Variants in UBAC2 observed in about 807,000 individuals in gnomAD.
The protein encoded by UBAC2 is ubiquitin-associated domain-containing protein 2.
In UBAC2, 26 loss-of-function variants were observed where a neutral mutation model predicts 44.0. The observed-to-expected ratio is 0.59, with a 90% CI of 0.43 to 0.82. The LOEUF (loss-of-function observed/expected upper bound fraction) is 0.82. UBAC2 is among the 40% of genes least tolerant of loss of function. The probability of loss-of-function intolerance (pLI) is 0.00; values close to 1 mark genes in which losing one functional copy is unlikely to be tolerated. For synonymous variants in UBAC2, 155 were observed against 154.3 expected (o/e 1.00, Z -0.04); for missense variants, 329 against 419.4 (o/e 0.78, Z 1.88).
At chr13:99,358,976 C>G (rs534651019) in intron 7 of UBAC2, among the ~76,000 whole-genome samples, 141 of 152,222 alleles carry the variant, frequency 9.3e-4, no homozygotes, top group Non-Finnish European at 7.1e-4. Context: ...AGTCTCTACC[C>G]CATGAAGCCC....
chr13:99,246,101 G>A (rs990542068), intron 4 of UBAC2, among the ~76,000 whole-genome samples: 19 of 152,090 alleles, frequency 1.2e-4, no homozygotes, highest in African/African-American at 4.3e-4. Context: ...ATTCACTTTG[G>A]ATCCCTATTT....
At chr13:99,272,455 G>C (rs1298531691) in intron 4 of UBAC2, among the ~76,000 whole-genome samples, 1 of 152,218 alleles carries the variant, frequency 6.6e-6, no homozygotes, top group Non-Finnish European at 1.5e-5. Context: ...CCAGGAGCAG[G>C]AATGTAGGGT....
chr13:99,294,509 A>G (rs1380150117), intron 4 of UBAC2: 6 of 152,326 alleles, frequency 3.9e-5, no homozygotes, highest in Non-Finnish European at 8.8e-5. Flanking sequence ...CTGATAGTTG[A>G]CAGGGAGCAT....
At chr13:99,381,195 A>G (rs2045546007) in intron 8 of UBAC2, among the ~76,000 whole-genome samples, 1 of 152,252 alleles carries the variant, frequency 6.6e-6, no homozygotes. Context: ...CAGGGCCTGC[A>G]TGCAGTCCAT....
chr13:99,382,909 G>A (rs919846761), intron 8 of UBAC2, among the ~76,000 whole-genome samples: 7 of 152,186 alleles, frequency 4.6e-5, no homozygotes, highest in African/African-American at 1.4e-4. Flanking sequence ...GGTGGGGGCC[G>A]AGAAAAGCCA....
intron 4 of UBAC2, among the ~76,000 whole-genome samples, chr13:99,292,535 C>T (rs891680037): frequency 1.3e-5 from 2 of 152,138 alleles, no homozygotes; most frequent in African/African-American, 4.8e-5. Context: ...GTTTGCTCAA[C>T]CTGTTTCACA....
intron 8 of UBAC2, among the ~76,000 whole-genome samples, chr13:99,380,058 G>A (rs1203755545): frequency 2.0e-5 from 3 of 152,138 alleles, no homozygotes; most frequent in Admixed American, 6.5e-5. Context: ...GGGTGAGAGG[G>A]TCTCTTTTCC....
chr13:99,227,998 T>C (rs2043129935), intron 1 of UBAC2, among the ~76,000 whole-genome samples: 1 of 152,212 alleles, frequency 6.6e-6, no homozygotes, highest in Non-Finnish European at 1.5e-5. Flanking sequence ...ACCTTGAGAC[T>C]TGAGACCAAG....
rs1345943442 is a variant in UBAC2 at position 99,237,269 on chromosome 13, T to TAC, written c.32-1157_32-1156insCA. Among the ~76,000 whole-genome samples the TAC allele has an allele frequency of 4.2e-3, 519 of 122,778 alleles. 3 individuals carry two copies. Among genetic ancestry groups the TAC allele is most frequent in the South Asian group, 9.0e-3 (37 of 4,090 alleles). 80.5% of individuals were successfully genotyped at this position (122,778 alleles called of 152,430 possible). ...AATTTTATGCGTATATATATATATA[T>TAC]ATACACACACACACACACACACACA... is the stretch of plus-strand genomic sequence containing the variant. On this transcript the variant is annotated intron_variant, in intron 1 of 8. Coordinates refer to ENST00000403766, the MANE Select transcript of UBAC2 (RefSeq NM_001144072.2).
At chr13:99,382,897 T>C (rs2045569409) in intron 8 of UBAC2, among the ~76,000 whole-genome samples, 1 of 151,972 alleles carries the variant, frequency 6.6e-6, no homozygotes, top group Admixed American at 6.5e-5. Context: ...CCCACAGGCC[T>C]GGGTGGGGGC....
At chr13:99,291,948 C>G (rs909205440) in intron 4 of UBAC2, among the ~76,000 whole-genome samples, 3 of 152,080 alleles carry the variant, frequency 2.0e-5, no homozygotes, top group African/African-American at 7.2e-5. Context: ...TTGCCCTCAC[C>G]GAGCCCACAG....
chr13:99,214,044 C>A (rs1386048073), intron 1 of UBAC2, among the ~76,000 whole-genome samples: 2 of 151,960 alleles, frequency 1.3e-5, no homozygotes, highest in Non-Finnish European at 2.9e-5. Flanking sequence ...GTCTCGAACT[C>A]CCAACCTCAA....
rs180793625 is a variant in UBAC2 at position 99,229,707 on chromosome 13, T to A, written c.32-8720T>A. ...CTATTTTAATAATCAATGGGGAAAA[T>A]TTGGATTGTTCTGTGACTTTTAAAA... is the stretch of plus-strand genomic sequence containing the variant. On this transcript the variant is annotated intron_variant, in intron 1 of 8. Transcript: ENST00000403766. Among the ~76,000 whole-genome samples the A allele has an allele frequency of 4.4e-3, 669 of 152,198 alleles. 6 individuals carry two copies. Among genetic ancestry groups the A allele is most frequent in the South Asian group, 0.027 (130 of 4,830 alleles).
intron 1 of UBAC2, among the ~76,000 whole-genome samples, chr13:99,202,072 C>CAAAAAAAAA (rs776251286): frequency 1.4e-5 from 1 of 71,974 alleles, no homozygotes; most frequent in Non-Finnish European, 2.7e-5. Context: ...GACTCCATCT[C>CAAAAAAAAA]AAAAAAAAAA....
intron 7 of UBAC2, among the ~76,000 whole-genome samples, chr13:99,349,427 T>G (rs1353439613): frequency 1.3e-5 from 2 of 152,024 alleles, no homozygotes; most frequent in Admixed American, 6.5e-5. Flanking sequence ...GACAAAGAGA[T>G]AAAGAGAAAA....
At chr13:99,232,405 G>GATATATATATATATATATATATAT in intron 1 of UBAC2, among the ~76,000 whole-genome samples, 1 of 117,886 alleles carries the variant, frequency 8.5e-6, no homozygotes, top group South Asian at 2.6e-4. Context: ...GAGAGATATA[G>GATATATATATATATATATATATAT]ATATATATAT....
intron 6 of UBAC2, among the ~76,000 whole-genome samples, chr13:99,330,730 C>T (rs2044705534): frequency 6.6e-6 from 1 of 152,002 alleles, no homozygotes; most frequent in Non-Finnish European, 1.5e-5. Context: ...TTGCTTCTTC[C>T]TGGTCTTAGA....
chr13:99,238,443 G>C lies in UBAC2; in HGVS notation c.48G>C (p.Ser16=). 1 of 1,613,588 alleles carries C rather than the reference G, an allele frequency of 6.2e-7. No individual in the cohort carries two copies. Among genetic ancestry groups the C allele is most frequent in the East Asian group, 2.2e-5 (1 of 44,888 alleles). The change falls in exon 2 of 9, where the codon TCG becomes TCC. Residue 16 remains serine, a synonymous_variant. Transcript: ENST00000403766. ...TCCCTCCAGACAAGGCGCCTCTGTC[G>C]AAGAGCCTTCTGCTGGTCCCCAGTG... ...GSSGLYKAPL[S]KSLLLVPSAL...
At chr13:99,201,354 G>A in intron 1 of UBAC2, 5 of 1,556,882 alleles carry the variant, frequency 3.2e-6, no homozygotes, top group South Asian at 1.2e-5. Flanking sequence ...AACTCCCCCC[G>A]CCCCCACTTG....
Sources: gnomAD v4.1 joint callset for allele counts (sites outside exome capture counted in the v4.1 genomes callset) on GRCh38, gnomAD v4.1.1 for gene constraint, MANE v1.5 for transcripts, NCBI Gene and HGNC (gene_info 2026-07-23, HGNC 2026-07-21) for gene names.